The following ZC3H4 variants were observed in gnomAD, a reference collection of about 807,000 sequenced individuals.
ZC3H4 encodes the protein zinc finger CCCH domain-containing protein 4.
In ZC3H4, 13 loss-of-function variants were observed where a neutral mutation model predicts 108.3. The ratio of observed to expected loss-of-function variants is 0.12; its 90% CI spans 0.08 to 0.19. The LOEUF is 0.19. Among genes scored for constraint, ZC3H4 ranks in the 10% least tolerant of loss-of-function variants. The pLI is 1.00. For missense variants in ZC3H4, 1,734 were observed against 1,838.8 expected, an observed-to-expected ratio of 0.94 and a Z score of 1.04; for synonymous variants, 917 against 749.6, an observed-to-expected ratio of 1.22 and a Z score of -3.65.
rs773636518 is a variant in ZC3H4, at chr19:47,067,575, G to A, written c.2693C>T (p.Thr898Ile). The change falls in exon 15 of 15, where the codon ACC (threonine) becomes ATC (isoleucine). Residue 898 changes from threonine to isoleucine, a missense_variant. Thr to Ile is a moderately conservative substitution (Grantham distance 89). Transcript: ENST00000253048. This position sits in a 1 kb window ranked among gnomAD's most constrained non-coding sequence, Gnocchi z 6.4. The stretch of plus-strand genomic sequence containing the variant: ...ATGAAGGCTGCCTTCGGGCTTGGAG[G>A]TGGGCAGGGCGCGAGCCAGCCGAGG... ...SDPRLARALP[T>I]SKPEGSLHSS... 5.0e-6 allele frequency: 8 copies of A among 1,604,218 alleles called. No homozygotes were observed. In the African/African-American group the frequency reaches 9.4e-5, roughly 19 times the overall value.
rs978174512 is a variant in ZC3H4 at position 47,112,475 on chromosome 19, C to T, written c.110G>A (p.Arg37His). The change falls in exon 2 of 15, where the codon CGC becomes CAC. Residue 37 changes from arginine to histidine, a missense_variant. Arg to His is a conservative substitution (Grantham distance 29, BLOSUM62 0). Coordinates refer to ENST00000253048, the MANE Select transcript of ZC3H4 (RefSeq NM_015168.2). ...GTGGAGGAGGTGCGGGGTGGCCGGG[C>T]GGGCGTCGGGGGAACACGGAGGAGG... The part of the protein sequence containing the change: ...PSPPPCSPDA[R>H]PATPHLLHHR... 17 of 928,594 alleles carry T rather than the reference C, an allele frequency of 1.8e-5. No individual in the cohort carries two copies. The highest frequency in any genetic ancestry group is 2.0e-5 in the Non-Finnish European group (14 of 704,096). 57.5% of individuals were successfully genotyped at this position (928,594 alleles called of 1,614,324 possible).
intron 11 of ZC3H4, among the ~76,000 whole-genome samples, chr19:47,076,463 AT>A (rs1304200652): frequency 6.6e-6 from 1 of 152,202 alleles, no homozygotes; most frequent in East Asian, 1.9e-4. Flanking sequence ...GTGGGGTGGC[AT>A]TTACTATAAA....
chr19:47,080,841 C>T (rs2057508684), intron 11 of ZC3H4, among the ~76,000 whole-genome samples: 1 of 152,124 alleles, frequency 6.6e-6, no homozygotes, highest in Non-Finnish European at 1.5e-5. Flanking sequence ...CCATGTTGGC[C>T]AGGCAGGTCT....
rs113427693 is a variant in ZC3H4 at position 47,112,595 on chromosome 19, G to C, written c.-5-6C>G. On this transcript the variant is annotated splice_region_variant and splice_polypyrimidine_tract_variant and intron_variant, in intron 1 of 14. Transcript: ENST00000253048. ...GGGCGCGGCCTCCATAGTTCCTTTGGGGGGGAGGGGATGTTAATGCACGAA... is the reference window on the plus strand; with the variant it reads ...GGGCGCGGCCTCCATAGTTCCTTTGCGGGGGAGGGGATGTTAATGCACGAA... 2,176 of 1,206,394 alleles carry C rather than the reference G, an allele frequency of 1.8e-3. 33 individuals are homozygous for C. In the African/African-American group the frequency reaches 0.031, roughly 17 times the overall value. The allele number at this position is 1,206,394 out of a possible 1,614,324, so 74.7% of individuals were successfully genotyped here.
chr19:47,111,373 TTAA>T (rs1172397573), intron 2 of ZC3H4, among the ~76,000 whole-genome samples: 3 of 152,128 alleles, frequency 2.0e-5, no homozygotes, highest in Non-Finnish European at 4.4e-5. Context: ...CGTTTCGGAC[TTAA>T]TAAAGAGAAG....
At chr19:47,104,148 A>C (rs2057939727) in intron 2 of ZC3H4, among the ~76,000 whole-genome samples, 1 of 151,684 alleles carries the variant, frequency 6.6e-6, no homozygotes, top group Non-Finnish European at 1.5e-5. Flanking sequence ...GTAAAACCCC[A>C]TCTCTACTAA....
chr19:47,091,988 C>A (rs1029466932), intron 4 of ZC3H4, among the ~76,000 whole-genome samples: 1 of 151,840 alleles, frequency 6.6e-6, no homozygotes, highest in East Asian at 1.9e-4. Flanking sequence ...GTGGGCAGAT[C>A]ATTTGACCCC....
chr19:47,107,566 A>C (rs1228962183), intron 2 of ZC3H4, among the ~76,000 whole-genome samples: 1 of 152,100 alleles, frequency 6.6e-6, no homozygotes, highest in African/African-American at 2.4e-5. Flanking sequence ...CGAAATGGCA[A>C]AAAAAATACA....
chr19:47,093,555 C>G (rs1338056702), intron 4 of ZC3H4, among the ~76,000 whole-genome samples: 2 of 152,178 alleles, frequency 1.3e-5, no homozygotes, highest in Non-Finnish European at 2.9e-5. Flanking sequence ...CAAATCCCAG[C>G]TCCTTTACTT....
intron 11 of ZC3H4, among the ~76,000 whole-genome samples, chr19:47,076,114 C>A (rs965397123): frequency 1.3e-5 from 2 of 152,218 alleles, no homozygotes; most frequent in African/African-American, 4.8e-5. Context: ...AGCTCCAGGC[C>A]ACTGGTCACC....
At chr19:47,096,287 C>T (rs1156429985) in intron 2 of ZC3H4, among the ~76,000 whole-genome samples, 1 of 152,230 alleles carries the variant, frequency 6.6e-6, no homozygotes, top group Non-Finnish European at 1.5e-5. Context: ...CACAGGTGAC[C>T]TGACCCATGT....
intron 2 of ZC3H4, among the ~76,000 whole-genome samples, chr19:47,099,821 T>TAAA (rs34876026): frequency 1.9e-5 from 2 of 103,154 alleles, no homozygotes; most frequent in South Asian, 6.0e-4. Flanking sequence ...TACAAGAGTT[T>TAAA]AAAAAAAAAA....
At position 47,071,979 on chromosome 19, in the gene ZC3H4, G is replaced by C. The variant is rs1014481127; in HGVS notation, c.1945C>G (p.His649Asp). ...CCAGGGCCCATCGGCATGTCTGCGT[G>C]CATGTCTGCGTGCATGTCAGGGTGC... ...DMHPDMHADM[H>D]ADMPMGPGMN... The change falls in exon 13 of 15, where the codon CAC (histidine) becomes GAC (aspartate). Residue 649 changes from histidine (H) to aspartate (D), a missense_variant. By Grantham distance (81) the His-to-Asp change is moderately conservative. Transcript: ENST00000253048. 6.2e-7 allele frequency: 1 copy of C among 1,605,982 alleles called. No homozygotes were observed. Among genetic ancestry groups the C allele is most frequent in the South Asian group, 1.1e-5 (1 of 90,580 alleles).
At chr19:47,092,999 G>A (rs1427750061) in intron 4 of ZC3H4, among the ~76,000 whole-genome samples, 4 of 152,022 alleles carry the variant, frequency 2.6e-5, no homozygotes, top group East Asian at 3.9e-4. Context: ...GGCGGATCAC[G>A]AGGTCAGGAG....
rs939136596 is a variant in ZC3H4 at position 47,094,195 on chromosome 19, A to C, written c.382-115T>G. ...GCCGCAGGGCTCTGCGCTTCACCTG[A>C]AACACCTCACCTGGGGCACTTAGTG... On this transcript the variant is annotated intron_variant, in intron 3 of 14. Transcript: ENST00000253048. The C allele has an allele frequency of 5.2e-6, 6 of 1,159,782 alleles. No homozygotes were observed. In the African/African-American group the frequency reaches 7.7e-5, roughly 15 times the overall value. The allele number at this position is 1,159,782 out of a possible 1,614,324, so 71.8% of individuals were successfully genotyped here.
chr19:47,069,419 T>A (rs1385527800), intron 13 of ZC3H4, 76 bp from the exon 14 acceptor site: 8 of 1,524,924 alleles, frequency 5.2e-6, no homozygotes, highest in Non-Finnish European at 7.0e-6. Context: ...TGCCCCTCAC[T>A]GCAAACCCAC....
chr19:47,095,753 G>A (rs1448254850), intron 2 of ZC3H4, among the ~76,000 whole-genome samples: 1 of 151,950 alleles, frequency 6.6e-6, no homozygotes, highest in Non-Finnish European at 1.5e-5. Context: ...GTTGGTAAAG[G>A]AAAAAAACAA....
intron 2 of ZC3H4, among the ~76,000 whole-genome samples, chr19:47,098,719 G>T (rs1220717760): frequency 6.6e-6 from 1 of 152,062 alleles, no homozygotes; most frequent in Admixed American, 6.6e-5. Context: ...AGCCAAGATC[G>T]CGCCACTGCA....
At chr19:47,110,636 T>A (rs2058026324) in intron 2 of ZC3H4, among the ~76,000 whole-genome samples, 1 of 152,246 alleles carries the variant, frequency 6.6e-6, no homozygotes, top group South Asian at 2.1e-4. Flanking sequence ...AGAGGCTACT[T>A]ACCATCCCAA....
Sources: gnomAD v4.1 joint callset for allele counts (sites outside exome capture counted in the v4.1 genomes callset) on GRCh38, gnomAD v4.1.1 for gene constraint, Gnocchi (gnomAD v3.1) non-coding constraint, MANE v1.5 for transcripts, NCBI Gene and HGNC (gene_info 2026-07-23, HGNC 2026-07-21) for gene names.